The following EPHA7 variants were observed in gnomAD, a reference collection of about 807,000 sequenced individuals.
The protein encoded by EPHA7 is EPH receptor A7.
EPHA7 carries 25 observed loss-of-function variants against 112.6 expected under a neutral mutation model. The observed-to-expected ratio is 0.22, with a 90% CI of 0.16 to 0.31. The LOEUF is 0.31. Among genes scored for constraint, EPHA7 ranks in the 10% least tolerant of loss-of-function variants. EPHA7 has a pLI of 1.00. For synonymous variants in EPHA7, 437 were observed against 406.5 expected (o/e 1.07, Z -0.90); for missense variants, 962 against 1,212.6 (o/e 0.79, Z 3.07).
chr6:93,348,883 CA>C (rs988586669), intron 5 of EPHA7, among the ~76,000 whole-genome samples: 2 of 36,416 alleles, frequency 5.5e-5, no homozygotes, highest in African/African-American at 1.6e-4. Flanking sequence ...AAGGTACCGC[CA>C]TTTTCCCCTA....
intron 3 of EPHA7, among the ~76,000 whole-genome samples, chr6:93,365,110 A>T (rs574820535): frequency 6.6e-6 from 1 of 152,182 alleles, no homozygotes; most frequent in Non-Finnish European, 1.5e-5. Context: ...CAGCTTCCTC[A>T]GGTCTTACCC....
intron 5 of EPHA7, among the ~76,000 whole-genome samples, chr6:93,326,851 T>C (rs1237432921): frequency 6.6e-6 from 1 of 151,556 alleles, no homozygotes; most frequent in African/African-American, 2.4e-5. Context: ...TGTAACTGAA[T>C]ATAAGAAAGA....
intron 3 of EPHA7, among the ~76,000 whole-genome samples, chr6:93,389,867 A>G (rs1373680950): frequency 1.3e-5 from 2 of 152,030 alleles, no homozygotes; most frequent in Admixed American, 6.6e-5. Context: ...CAATAAATAC[A>G]GAAGGAATAA....
At chr6:93,320,933 TTATA>T (rs1774037201) in intron 5 of EPHA7, among the ~76,000 whole-genome samples, 1 of 151,960 alleles carries the variant, frequency 6.6e-6, no homozygotes, top group African/African-American at 2.4e-5. Context: ...TTATAAAATG[TTATA>T]TAGTTAGCAA....
At chr6:93,309,463 A>G (rs983996830) in intron 5 of EPHA7, among the ~76,000 whole-genome samples, 2 of 152,238 alleles carry the variant, frequency 1.3e-5, no homozygotes, top group South Asian at 2.1e-4. Flanking sequence ...TTCAGCACTT[A>G]TAATCATAAT....
At chr6:93,274,274 T>C (rs1470069211) in intron 5 of EPHA7, among the ~76,000 whole-genome samples, 2 of 151,888 alleles carry the variant, frequency 1.3e-5, no homozygotes, top group African/African-American at 4.8e-5. Flanking sequence ...CTTGGTATGA[T>C]AAAAGAGGCA....
intron 3 of EPHA7, among the ~76,000 whole-genome samples, chr6:93,359,650 C>T (rs1776141786): frequency 6.6e-6 from 1 of 151,926 alleles, no homozygotes; most frequent in Non-Finnish European, 1.5e-5. Flanking sequence ...GTCATAGTTT[C>T]CAGAAAACAG....
intron 5 of EPHA7, among the ~76,000 whole-genome samples, chr6:93,299,035 A>T (rs1772823504): frequency 6.6e-6 from 1 of 152,156 alleles, no homozygotes; most frequent in Non-Finnish European, 1.5e-5. Flanking sequence ...AAGCTTATGA[A>T]AAAAAGCTCA....
At chr6:93,335,241 T>C (rs1021096081) in intron 5 of EPHA7, among the ~76,000 whole-genome samples, 1 of 152,078 alleles carries the variant, frequency 6.6e-6, no homozygotes, top group Non-Finnish European at 1.5e-5. Flanking sequence ...AAATGGGAGA[T>C]ATTCAAGAAA....
At chr6:93,260,629 CA>C in intron 9 of EPHA7, 1 of 974,668 alleles carries the variant, frequency 1.0e-6, no homozygotes, top group Non-Finnish European at 1.2e-6. Context: ...AAAGTAAACA[CA>C]TAACAAAAAG....
intron 5 of EPHA7, among the ~76,000 whole-genome samples, chr6:93,288,425 G>A (rs1772183447): frequency 6.6e-6 from 1 of 152,156 alleles, no homozygotes; most frequent in African/African-American, 2.4e-5. Flanking sequence ...ACATGTAAAT[G>A]GGCAGAAGGG....
At chr6:93,257,810 A>C (rs963341639) in intron 11 of EPHA7, among the ~76,000 whole-genome samples, 9 of 152,086 alleles carry the variant, frequency 5.9e-5, no homozygotes, top group African/African-American at 2.2e-4. Flanking sequence ...AAATGTAAAG[A>C]CTATATTGCA....
At position 93,283,761 on chromosome 6, in the gene EPHA7, C is replaced by T. The variant is rs527350185; in HGVS notation, c.1325-11339G>A. On this transcript the variant is annotated intron_variant, in intron 5 of 16. Transcript: ENST00000369303. ...CTGTAACACTCACCACGAGGGTCCGCGGCTTCATTCTTGAAGTCAGTGAGA... is the reference window on the plus strand; with the variant it reads ...CTGTAACACTCACCACGAGGGTCCGTGGCTTCATTCTTGAAGTCAGTGAGA... Among the ~76,000 whole-genome samples the T allele has an allele frequency of 3.0e-4, 46 of 152,242 alleles. No homozygotes were observed. The South Asian group carries it at 3.5e-3, about 12-fold the overall frequency.
chr6:93,280,617 A>G (rs1237726237), intron 5 of EPHA7, among the ~76,000 whole-genome samples: 3 of 152,188 alleles, frequency 2.0e-5, no homozygotes, highest in African/African-American at 4.8e-5. Context: ...AATGAAGAGC[A>G]TGGGCCAGAA....
chr6:93,391,192 G>A (rs189819678), intron 3 of EPHA7, among the ~76,000 whole-genome samples: 162 of 152,012 alleles, frequency 1.1e-3, no homozygotes, highest in Middle Eastern at 3.4e-3. Flanking sequence ...TTTCTAGCAG[G>A]TGCTACCTCT....
chr6:93,342,981 C>CA (rs1010010142), intron 5 of EPHA7, among the ~76,000 whole-genome samples: 2 of 151,386 alleles, frequency 1.3e-5, no homozygotes, highest in Non-Finnish European at 3.0e-5. Context: ...ATGGAATTCA[C>CA]AAAAAAATCA....
chr6:93,348,180 T>C (rs1462658658), intron 5 of EPHA7, among the ~76,000 whole-genome samples: 1 of 151,770 alleles, frequency 6.6e-6, no homozygotes, highest in Non-Finnish European at 1.5e-5. Flanking sequence ...GGAGTTGAGG[T>C]GGCAAGATTA....
intron 10 of EPHA7, 73 bp from the exon 11 acceptor site, chr6:93,258,357 G>T: frequency 7.5e-7 from 1 of 1,341,532 alleles, no homozygotes; most frequent in Non-Finnish European, 1.0e-6. Flanking sequence ...TAAATGCGTT[G>T]AATTATTTTT....
At chr6:93,247,407 T>C (rs1377310530) in intron 14 of EPHA7, among the ~76,000 whole-genome samples, 2 of 152,216 alleles carry the variant, frequency 1.3e-5, no homozygotes. Context: ...GATTCACTTT[T>C]AAACAGGGTA....
Sources: gnomAD v4.1 joint callset for allele counts (sites outside exome capture counted in the v4.1 genomes callset) on GRCh38, gnomAD v4.1.1 for gene constraint, MANE v1.5 for transcripts, NCBI Gene and HGNC (gene_info 2026-07-23, HGNC 2026-07-21) for gene names.